The following SNED1 variants were observed in gnomAD, a reference collection of about 807,000 sequenced individuals.
The protein encoded by SNED1 is sushi, nidogen and EGF-like domain-containing protein 1.
SNED1 carries 81 observed loss-of-function variants against 166.7 expected under a neutral mutation model. That is an observed-to-expected ratio of 0.49 (90% CI 0.41 to 0.58). SNED1 has a LOEUF of 0.58. Among genes scored for constraint, SNED1 ranks in the 20% least tolerant of loss-of-function variants. The probability of loss-of-function intolerance (pLI) is 0.00; values close to 1 mark genes in which losing one functional copy is unlikely to be tolerated. For synonymous variants in SNED1, 762 were observed against 822.0 expected (o/e 0.93, Z 1.25); for missense variants, 1,604 against 2,000.2 (o/e 0.80, Z 3.78).
rs201371930 is a variant in SNED1, at chr2:241,031,466, T to C, written c.501+895T>C. Among the ~76,000 whole-genome samples, 750 of 152,296 alleles carry C rather than the reference T, an allele frequency of 4.9e-3. 3 individuals are homozygous for C. Among genetic ancestry groups the C allele is most frequent in the Non-Finnish European group, 8.5e-3 (581 of 68,020 alleles). On this transcript the variant is annotated intron_variant, in intron 2 of 31. Transcript: ENST00000310397. ...GAGCACCTTCCAAGTGACAGGCAAGTGTTCTAGGCACTGGGCAGACAGCCC... is the reference window on the plus strand; with the variant it reads ...GAGCACCTTCCAAGTGACAGGCAAGCGTTCTAGGCACTGGGCAGACAGCCC...
At position 241,034,680 on chromosome 2, in the gene SNED1, C is replaced by T. The variant is rs748934573; in HGVS notation, c.755C>T (p.Ala252Val). 47 of 1,603,578 alleles carry T rather than the reference C, an allele frequency of 2.9e-5. 1 individual carries two copies. In the South Asian group the frequency reaches 3.5e-4, roughly 12 times the overall value. ...TTNVGVPGRWAFRIDDAQVRV... is the reference protein window; with the variant it reads ...TTNVGVPGRWVFRIDDAQVRV... ...AACGTGGGTGTGCCCGGGCGCTGGG[C>T]GTTCAGAATCGATGATGCCCAGGTG... The change falls in exon 4 of 32, where the codon GCG becomes GTG. Residue 252 changes from alanine to valine, a missense_variant. Around this residue, in one of 2 missense-constraint regions of SNED1, gnomAD observed 1,237 missense variants for 1,620.8 expected, o/e 0.76. Coordinates refer to ENST00000310397, the MANE Select transcript of SNED1 (RefSeq NM_001080437.3).
intron 12 of SNED1, 97 bp downstream of exon 12, chr2:241,050,030 G>A: frequency 1.1e-6 from 1 of 910,162 alleles, no homozygotes; most frequent in Non-Finnish European, 1.8e-6. Context: ...CTTGTTTCGC[G>A]AATTGCTGAC....
chr2:241,030,614 A>G (rs2061137635), intron 2 of SNED1, 43 bp downstream of exon 2: 1 of 1,590,402 alleles, frequency 6.3e-7, no homozygotes, highest in African/African-American at 1.3e-5. Context: ...GTGTGTGGCT[A>G]GGGCCCAGGG....
At position 241,064,940 on chromosome 2, in the gene SNED1, G is replaced by T; in HGVS notation, c.2696G>T (p.Gly899Val). 2 of 1,585,080 alleles carry T rather than the reference G, an allele frequency of 1.3e-6. No homozygotes were observed. Among genetic ancestry groups the T allele is most frequent in the Non-Finnish European group, 8.6e-7 (1 of 1,169,538 alleles). Residue 899 changes from glycine to valine, a missense_variant, in exon 20 of 32, where the codon GGC (glycine) becomes GTC (valine). This residue lies in a region of SNED1 where 1,237 missense variants were observed against 1,620.8 expected (regional missense o/e 0.76). Coordinates refer to ENST00000310397, the MANE Select transcript of SNED1 (RefSeq NM_001080437.3). This position sits in a 1 kb window ranked among gnomAD's most constrained non-coding sequence, Gnocchi z 7.0. Reference sequence around the variant, plus strand: ...TGCACCTGCAAAGTGGGCTACACGGGCGAGGACTGCGCCAAAGGTGGGTGG... The same window carrying T: ...TGCACCTGCAAAGTGGGCTACACGGTCGAGGACTGCGCCAAAGGTGGGTGG... The part of the protein sequence containing the change: ...HSCTCKVGYT[G>V]EDCAKELFPP...
chr2:241,065,019 C>T (rs2062381595), intron 20 of SNED1, 62 bp downstream of exon 20: 1 of 1,255,820 alleles, frequency 8.0e-7, no homozygotes, highest in African/African-American at 1.5e-5. Context: ...CCTAGAGGGC[C>T]CAACGGTCTC....
intron 12 of SNED1, among the ~76,000 whole-genome samples, chr2:241,050,781 C>T (rs1182240086): frequency 6.6e-6 from 1 of 152,178 alleles, no homozygotes; most frequent in Non-Finnish European, 1.5e-5. Flanking sequence ...TGACTCTGGC[C>T]CTACTCCAGC....
chr2:241,056,090 A>G (rs1379411706), intron 16 of SNED1, among the ~76,000 whole-genome samples: 1 of 150,210 alleles, frequency 6.7e-6, no homozygotes, highest in Non-Finnish European at 1.5e-5. Flanking sequence ...ATCGATAGAA[A>G]AAGACCTTAT....
At chr2:241,037,198 C>G (rs543756651) in intron 5 of SNED1, 42 bp from the exon 6 acceptor site, 23 of 1,496,528 alleles carry the variant, frequency 1.5e-5, no homozygotes, top group Admixed American at 1.3e-4. Context: ...ACTCCTCATC[C>G]GGGTTCCCGC....
At position 241,089,991 on chromosome 2, in the gene SNED1, G is replaced by A. The variant is rs779929999; in HGVS notation, c.*1+1589G>A. 1.1e-5 allele frequency: 17 copies of A among 1,548,770 alleles called. No homozygotes were observed. The Admixed American group carries it at 1.2e-4, about 11-fold the overall frequency. ...AAAAAATGGTATACCTGGGCAGGGC[G>A]CTTAGCGTAGCTGGAATGCGCAGGA... On this transcript the variant is annotated intron_variant, in intron 31 of 31. Transcript: ENST00000310397.
intron 29 of SNED1, among the ~76,000 whole-genome samples, chr2:241,083,617 TGA>T: frequency 6.6e-6 from 1 of 152,296 alleles, no homozygotes; most frequent in Middle Eastern, 3.4e-3. Flanking sequence ...TTCTATGCAG[TGA>T]GAGTCCGAAT....
chr2:241,066,071 C>T (rs908753396), intron 21 of SNED1, among the ~76,000 whole-genome samples: 6 of 152,116 alleles, frequency 3.9e-5, no homozygotes, highest in African/African-American at 1.2e-4. Context: ...GTGGCTCAAT[C>T]GGGAAGAGCC....
At chr2:241,079,329 A>T (rs1165953542) in intron 27 of SNED1, among the ~76,000 whole-genome samples, 1 of 141,470 alleles carries the variant, frequency 7.1e-6, no homozygotes, top group Non-Finnish European at 1.5e-5. Context: ...GGAGAATGGC[A>T]TGAACCCAGG....
chr2:241,013,709 G>A lies in SNED1; in HGVS notation c.213+14659G>A, dbSNP rs1388065421. Among the ~76,000 whole-genome samples the A allele has an allele frequency of 3.9e-5, 6 of 152,114 alleles. No individual in the cohort carries two copies. Among genetic ancestry groups the A allele is most frequent in the African/African-American group, 1.4e-4 (6 of 41,408 alleles). Reference sequence around the variant, plus strand: ...CCTGGCTTATTTCACTGAGCATAATGTCCTTCAGTTTCATCCATGTTGTTG... The same window carrying A: ...CCTGGCTTATTTCACTGAGCATAATATCCTTCAGTTTCATCCATGTTGTTG... On this transcript the variant is annotated intron_variant, in intron 1 of 31. Transcript: ENST00000310397. The surrounding 1 kb of genome is among the most constrained non-coding windows in gnomAD (Gnocchi z 4.6).
intron 1 of SNED1, among the ~76,000 whole-genome samples, chr2:241,008,749 T>C (rs887385864): frequency 1.3e-5 from 2 of 152,216 alleles, no homozygotes. Flanking sequence ...TGCCCGGGGC[T>C]CAGCACATGC....
intron 27 of SNED1, among the ~76,000 whole-genome samples, chr2:241,078,199 G>A (rs527496067): frequency 1.9e-4 from 29 of 150,496 alleles, no homozygotes; most frequent in Admixed American, 7.3e-4. Context: ...TCTGGCCAAC[G>A]CGGTGAAACC....
chr2:241,039,486 A>T (rs913186634), intron 6 of SNED1, among the ~76,000 whole-genome samples: 2 of 152,054 alleles, frequency 1.3e-5, no homozygotes, highest in Admixed American at 1.3e-4. Flanking sequence ...GAGACCTGGG[A>T]TGTGTGGGCC....
At position 241,069,872 on chromosome 2, in the gene SNED1, A is replaced by G; in HGVS notation, c.3308-48A>G. The G allele has an allele frequency of 6.3e-7, 1 of 1,584,498 alleles. No homozygotes were observed. The highest frequency in any genetic ancestry group is 1.7e-5 in the Admixed American group (1 of 57,728). On this transcript the variant is annotated intron_variant, in intron 23 of 31. Transcript: ENST00000310397. The surrounding 1 kb of genome is among the most constrained non-coding windows in gnomAD (Gnocchi z 4.9). ...GTTCTCAAACCGTGTTCTTGCCAGAAGACCCTGTGGGCACCCCCTCACCTC... is the reference window on the plus strand; with the variant it reads ...GTTCTCAAACCGTGTTCTTGCCAGAGGACCCTGTGGGCACCCCCTCACCTC...
chr2:241,092,446 T>C lies in SNED1; in HGVS notation c.*810T>C, dbSNP rs2125362169. 6.6e-6 allele frequency: 1 copy of C among 152,304 alleles called. No individual in the cohort carries two copies. Among genetic ancestry groups the C allele is most frequent in the East Asian group, 1.9e-4 (1 of 5,182 alleles). The allele number at this position is 152,304 out of a possible 1,614,324, so 9.4% of individuals were successfully genotyped here. ...TTTACAATAACAGGTGGTGGCCAAA[T>C]TGGCCCATGGGCCTTATTTGGTGAA... On this transcript the variant is annotated 3_prime_UTR_variant, in exon 32 of 32. Coordinates refer to ENST00000310397, the MANE Select transcript of SNED1 (RefSeq NM_001080437.3). This position sits in a 1 kb window ranked among gnomAD's most constrained non-coding sequence, Gnocchi z 4.6.
chr2:241,089,887 T>C, intron 31 of SNED1: 2 of 1,503,034 alleles, frequency 1.3e-6, no homozygotes, highest in Non-Finnish European at 1.8e-6. Context: ...TACTGAATAC[T>C]GTAGGCGGTC....
Sources: gnomAD v4.1 joint callset for allele counts (sites outside exome capture counted in the v4.1 genomes callset) on GRCh38, gnomAD v4.1.1 for gene constraint, gnomAD v4.1.1 regional missense constraint, Gnocchi (gnomAD v3.1) non-coding constraint, MANE v1.5 for transcripts, NCBI Gene and HGNC (gene_info 2026-07-23, HGNC 2026-07-21) for gene names.